Variants in XIAP observed in about 807,000 individuals in gnomAD.
The protein encoded by XIAP is E3 ubiquitin-protein ligase XIAP.
XIAP carries 3 observed loss-of-function variants against 33.1 expected under a neutral mutation model. That is an observed-to-expected ratio of 0.09 (90% CI 0.04 to 0.23). The LOEUF (loss-of-function observed/expected upper bound fraction) is 0.23, where lower values mean the gene tolerates loss of function less well. Ranked by LOEUF, XIAP falls within the 10% of genes least tolerant of loss-of-function variation. The pLI is 1.00. For missense variants in XIAP, 264 were observed against 363.0 expected (o/e 0.73, Z 2.22); for synonymous variants, 98 against 121.3 (o/e 0.81, Z 1.26).
chrX:123,880,200 G>T (rs2053286320), intron 1 of XIAP, among the ~76,000 whole-genome samples: 1 of 108,273 alleles, frequency 9.2e-6, no homozygotes, highest in Non-Finnish European at 1.9e-5. Context: ...ATCACCTGAG[G>T]TCAGGAGTTC....
At chrX:123,899,106 C>T (rs1430508881) in intron 5 of XIAP, among the ~76,000 whole-genome samples, 6 of 55,592 alleles carry the variant, frequency 1.1e-4, no homozygotes, top group East Asian at 7.4e-4. Context: ...GGTGACAGAG[C>T]GAGACTACGT....
At chrX:123,877,484 A>G (rs1476002617) in intron 1 of XIAP, among the ~76,000 whole-genome samples, 1 of 112,582 alleles carries the variant, frequency 8.9e-6, no homozygotes, top group Non-Finnish European at 1.9e-5. Context: ...TAATTCAGGA[A>G]CATAGCTTCA....
intron 1 of XIAP, among the ~76,000 whole-genome samples, chrX:123,874,853 C>G (rs1163284421): frequency 9.8e-6 from 1 of 101,644 alleles, no homozygotes; most frequent in African/African-American, 3.6e-5. Context: ...TGCCACCACC[C>G]CCAGCTAATT....
chrX:123,897,881 G>T (rs1179660603), intron 5 of XIAP, among the ~76,000 whole-genome samples: 1 of 112,354 alleles, frequency 8.9e-6, no homozygotes, highest in Non-Finnish European at 1.9e-5. Context: ...TTTCAGAAGG[G>T]TCGATGAGGG....
intron 1 of XIAP, among the ~76,000 whole-genome samples, chrX:123,869,362 CAAAAAAA>C (rs57436822): frequency 2.4e-4 from 7 of 29,725 alleles, no homozygotes; most frequent in Admixed American, 1.1e-3. Context: ...TAAAAAAATA[CAAAAAAA>C]AAAAAAAAAA....
At chrX:123,897,352 T>C (rs2053470925) in intron 5 of XIAP, among the ~76,000 whole-genome samples, 1 of 112,195 alleles carries the variant, frequency 8.9e-6, no homozygotes, top group African/African-American at 3.2e-5. Context: ...ACCTATGTTT[T>C]CTTCTAAGAG....
chrX:123,873,100 C>T (rs1382948075), intron 1 of XIAP: 1 of 107,507 alleles, frequency 9.3e-6, no homozygotes, highest in Non-Finnish European at 1.9e-5. Context: ...GGCGCAATCT[C>T]GGCTCACCGC....
At chrX:123,864,602 G>C (rs751765346) in intron 1 of XIAP, among the ~76,000 whole-genome samples, 6 of 107,790 alleles carry the variant, frequency 5.6e-5, no homozygotes, top group African/African-American at 1.0e-4. Flanking sequence ...AAGTAGCTGG[G>C]ACTACAGGCA....
At chrX:123,889,531 T>C (rs992553180) in intron 3 of XIAP, among the ~76,000 whole-genome samples, 6 of 108,557 alleles carry the variant, frequency 5.5e-5, no homozygotes, top group African/African-American at 2.0e-4. Context: ...TTCTTTTTTT[T>C]TTTGAGATAG....
chrX:123,877,028 G>C (rs889754552), intron 1 of XIAP, among the ~76,000 whole-genome samples: 1 of 109,943 alleles, frequency 9.1e-6, no homozygotes, highest in Non-Finnish European at 1.9e-5. Context: ...GAATGTTAAA[G>C]GAGAGAGTCT....
intron 1 of XIAP, among the ~76,000 whole-genome samples, chrX:123,883,012 C>T (rs890939015): frequency 1.8e-5 from 2 of 109,797 alleles, no homozygotes; most frequent in Non-Finnish European, 3.8e-5. Context: ...TCAGGCTGGT[C>T]TCGAACTCCT....
At chrX:123,899,997 T>C (rs925858111) in intron 5 of XIAP, among the ~76,000 whole-genome samples, 1 of 111,824 alleles carries the variant, frequency 8.9e-6, no homozygotes, top group Admixed American at 9.6e-5. Flanking sequence ...CCATTGACTT[T>C]CTTGCTTTAT....
chrX:123,906,915 C>G (rs959355858), intron 6 of XIAP, 73 bp from the exon 7 acceptor site: 1 of 1,146,120 alleles, frequency 8.7e-7, no homozygotes, highest in Non-Finnish European at 1.2e-6. Flanking sequence ...AGTAGGGGCT[C>G]AATAAATGTT....
rs975904810 is a variant in XIAP, at chrX:123,909,106, G to A, written c.*1925G>A. Reference sequence around the variant, plus strand: ...TGCAGTGGAGTGATCTCTGCTCACTGCAACCTCCGCCTTCTGGGTTCAAGC... The same window carrying A: ...TGCAGTGGAGTGATCTCTGCTCACTACAACCTCCGCCTTCTGGGTTCAAGC... On this transcript the variant is annotated 3_prime_UTR_variant, in exon 7 of 7. Coordinates refer to ENST00000371199, the MANE Select transcript of XIAP (RefSeq NM_001167.4). 30 of 273,605 alleles carry A rather than the reference G, an allele frequency of 1.1e-4. No homozygotes were observed. The Admixed American group carries it at 1.4e-3, about 12-fold the overall frequency. The allele number at this position is 273,605 out of a possible 1,213,427, so 22.5% of individuals were successfully genotyped here. A position where few individuals can be genotyped will look rare whatever the true frequency, so the allele number is the denominator to read the frequency against.
intron 1 of XIAP, among the ~76,000 whole-genome samples, chrX:123,867,001 A>C (rs1316036556): frequency 9.5e-6 from 1 of 105,345 alleles, no homozygotes; most frequent in Non-Finnish European, 1.9e-5. Context: ...TATGAAATAG[A>C]ATAATGACGA....
In XIAP at chrX:123,860,283, G is replaced by A. The variant is rs1195893230; in HGVS notation, c.-43G>A. ...CGCCGCGGGGCAGTTCGGGCCGGCT[G>A]TCCTGGCGCGGTGGGTACAGCTTGT... On this transcript the variant is annotated 5_prime_UTR_variant, in exon 1 of 7. Transcript: ENST00000371199. The A allele has an allele frequency of 3.0e-6, 1 of 329,828 alleles. No individual in the cohort carries two copies. The highest frequency in any genetic ancestry group is 3.1e-5 in the Admixed American group (1 of 32,338). The allele number at this position is 329,828 out of a possible 1,213,427, so 27.2% of individuals were successfully genotyped here. A position where few individuals can be genotyped will look rare whatever the true frequency, so the allele number is the denominator to read the frequency against.
chrX:123,866,390 T>C (rs959172939), intron 1 of XIAP, among the ~76,000 whole-genome samples: 36 of 104,420 alleles, frequency 3.4e-4, no homozygotes, highest in African/African-American at 1.2e-3. Context: ...TTTTAAGTTA[T>C]AAAAGAAATA....
At chrX:123,879,410 A>G (rs1353446682) in intron 1 of XIAP, 1 of 100,286 alleles carries the variant, frequency 1.0e-5, no homozygotes, top group South Asian at 4.9e-4. Flanking sequence ...TCCACCTCCT[A>G]GGTTCACGCC....
chrX:123,909,132 G>A lies in XIAP; in HGVS notation c.*1951G>A, dbSNP rs929245372. Reference sequence around the variant, plus strand: ...CAACCTCCGCCTTCTGGGTTCAAGCGATTCTCGTGCCTCAGCTTCCTGAGT... The same window carrying A: ...CAACCTCCGCCTTCTGGGTTCAAGCAATTCTCGTGCCTCAGCTTCCTGAGT... On this transcript the variant is annotated 3_prime_UTR_variant, in exon 7 of 7. Transcript: ENST00000371199. 1.5e-5 allele frequency: 4 copies of A among 270,425 alleles called. No individual in the cohort carries two copies. Among genetic ancestry groups the A allele is most frequent in the African/African-American group, 1.1e-4 (4 of 35,135 alleles). The allele number at this position is 270,425 out of a possible 1,213,427, so 22.3% of individuals were successfully genotyped here. A position where few individuals can be genotyped will look rare whatever the true frequency, so the allele number is the denominator to read the frequency against.
Sources: gnomAD v4.1 joint callset for allele counts (sites outside exome capture counted in the v4.1 genomes callset) on GRCh38, gnomAD v4.1.1 for gene constraint, MANE v1.5 for transcripts, NCBI Gene and HGNC (gene_info 2026-07-23, HGNC 2026-07-21) for gene names.